The following GABRB1 variants were observed in gnomAD, a reference collection of about 807,000 sequenced individuals.
GABRB1 encodes gamma-aminobutyric acid receptor subunit beta-1.
In GABRB1, 17 loss-of-function variants were observed where a neutral mutation model predicts 51.6. The ratio of observed to expected loss-of-function variants is 0.33; its 90% CI spans 0.23 to 0.49. The LOEUF (loss-of-function observed/expected upper bound fraction) is 0.49. GABRB1 is among the 20% of genes least tolerant of loss of function. The pLI is 0.99. For missense variants in GABRB1, 410 were observed against 600.6 expected, an observed-to-expected ratio of 0.68 and a Z score of 3.32; for synonymous variants, 247 against 218.9, an observed-to-expected ratio of 1.13 and a Z score of -1.14.
At chr4:47,244,093 AG>A (rs1463833983) in intron 4 of GABRB1, among the ~76,000 whole-genome samples, 1 of 152,308 alleles carries the variant, frequency 6.6e-6, no homozygotes, top group African/African-American at 2.4e-5. Flanking sequence ...TTTAGCATGA[AG>A]GGCTGTTGAA....
intron 3 of GABRB1, among the ~76,000 whole-genome samples, chr4:47,037,511 A>G (rs1013058677): frequency 1.3e-5 from 2 of 150,756 alleles, no homozygotes; most frequent in Admixed American, 6.6e-5. Context: ...CTGTTTGGAG[A>G]TAGCATATAT....
intron 3 of GABRB1, among the ~76,000 whole-genome samples, chr4:47,121,263 G>A (rs745433021): frequency 2.0e-5 from 3 of 152,104 alleles, no homozygotes; most frequent in Non-Finnish European, 4.4e-5. Flanking sequence ...TTAATGCAAA[G>A]CCCCACAATT....
chr4:47,117,587 T>C (rs1043986731), intron 3 of GABRB1, among the ~76,000 whole-genome samples: 7 of 152,220 alleles, frequency 4.6e-5, no homozygotes, highest in Non-Finnish European at 1.0e-4. Context: ...TATTTGGTTC[T>C]ACCACTTAAT....
chr4:47,366,474 C>T (rs1025155024), intron 5 of GABRB1, among the ~76,000 whole-genome samples: 9 of 152,190 alleles, frequency 5.9e-5, no homozygotes, highest in Admixed American at 1.3e-4. Flanking sequence ...TCTCATTATG[C>T]TACCCACTGG....
chr4:47,275,275 G>C (rs1381017944), intron 4 of GABRB1, among the ~76,000 whole-genome samples: 2 of 152,156 alleles, frequency 1.3e-5, no homozygotes. Context: ...GGGCAAATGT[G>C]GGGCTTAAAT....
At chr4:47,316,376 C>T (rs1724889127) in intron 4 of GABRB1, among the ~76,000 whole-genome samples, 1 of 151,820 alleles carries the variant, frequency 6.6e-6, no homozygotes, top group South Asian at 2.1e-4. Flanking sequence ...ACATAATGGC[C>T]TCCAGTTCCA....
intron 3 of GABRB1, among the ~76,000 whole-genome samples, chr4:47,113,418 A>G (rs1162787977): frequency 6.6e-6 from 1 of 151,878 alleles, no homozygotes; most frequent in African/African-American, 2.4e-5. Context: ...TTTAACGTTG[A>G]GTACATAATG....
intron 3 of GABRB1, among the ~76,000 whole-genome samples, chr4:47,155,237 T>C (rs10016226): frequency 0.17 from 25,594 of 151,990 alleles, 3,124 homozygotes; most frequent in African/African-American, 0.34. Flanking sequence ...TCTACTCTAA[T>C]AGGCTTTCCG....
chr4:47,031,986 C>A lies in GABRB1; in HGVS notation c.153C>A (p.Arg51=). 1 of 1,612,596 alleles carries A rather than the reference C, an allele frequency of 6.2e-7. No individual in the cohort carries two copies. The highest frequency in any genetic ancestry group is 8.5e-7 in the Non-Finnish European group (1 of 1,179,800). The part of the protein sequence containing the change: ...VDRLLKGYDI[R]LRPDFGGPPV... ...GATTGCTCAAAGGATATGACATTCG[C>A]TTGCGGCCGGACTTCGGAGGTAACG... Residue 51 remains arginine (R), a synonymous_variant, in exon 2 of 9, where the codon CGC becomes CGA. Transcript: ENST00000295454.
chr4:47,131,261 C>T (rs992222489), intron 3 of GABRB1, among the ~76,000 whole-genome samples: 7 of 151,984 alleles, frequency 4.6e-5, no homozygotes, highest in Non-Finnish European at 8.8e-5. Context: ...CAAATTCAAG[C>T]GATTCTCCTG....
At chr4:47,021,536 G>T (rs960760709) in intron 1 of GABRB1, among the ~76,000 whole-genome samples, 1 of 152,062 alleles carries the variant, frequency 6.6e-6, no homozygotes, top group Non-Finnish European at 1.5e-5. Flanking sequence ...CGGATCCTCT[G>T]CAGGTATGTT....
intron 5 of GABRB1, among the ~76,000 whole-genome samples, chr4:47,367,803 A>G (rs1005440918): frequency 6.6e-6 from 1 of 152,214 alleles, no homozygotes; most frequent in Admixed American, 6.5e-5. Flanking sequence ...GAACAGAGCC[A>G]AGGTAAGTAA....
chr4:47,174,925 C>T (rs1255591722), intron 4 of GABRB1, among the ~76,000 whole-genome samples: 1 of 137,952 alleles, frequency 7.2e-6, no homozygotes, highest in East Asian at 2.2e-4. Flanking sequence ...TCCTTCCTTC[C>T]TTCTTTCCTT....
At chr4:47,117,277 C>A (rs867455617) in intron 3 of GABRB1, among the ~76,000 whole-genome samples, 1 of 152,106 alleles carries the variant, frequency 6.6e-6, no homozygotes, top group African/African-American at 2.4e-5. Context: ...CTATGGAGTT[C>A]GCTCATATAA....
intron 5 of GABRB1, among the ~76,000 whole-genome samples, chr4:47,378,380 A>G (rs1560359561): frequency 6.6e-6 from 1 of 152,112 alleles, no homozygotes; most frequent in Non-Finnish European, 1.5e-5. Context: ...ACCCACCCGG[A>G]ACTCGTGCTG....
At chr4:47,359,056 A>G (rs2110007740) in intron 5 of GABRB1, among the ~76,000 whole-genome samples, 2 of 152,244 alleles carry the variant, frequency 1.3e-5, no homozygotes, top group South Asian at 4.1e-4. Context: ...TAGGACAAGA[A>G]CAAGTTGGAC....
At chr4:47,280,376 T>C (rs1723243293) in intron 4 of GABRB1, among the ~76,000 whole-genome samples, 1 of 151,752 alleles carries the variant, frequency 6.6e-6, no homozygotes, top group Non-Finnish European at 1.5e-5. Context: ...TTATTTGTAA[T>C]ATTTTTGTCT....
At chr4:47,232,856 A>G (rs1721190878) in intron 4 of GABRB1, among the ~76,000 whole-genome samples, 1 of 150,468 alleles carries the variant, frequency 6.6e-6, no homozygotes, top group African/African-American at 2.5e-5. Context: ...TCCCTCTGCC[A>G]CACCCAGATT....
intron 1 of GABRB1, among the ~76,000 whole-genome samples, chr4:47,003,072 T>C (rs1157406337): frequency 9.3e-6 from 1 of 108,076 alleles, no homozygotes; most frequent in East Asian, 2.6e-4. Flanking sequence ...TCCTATTTGC[T>C]TTATAATAAA....
Sources: allele counts gnomAD v4.1 joint callset (sites outside exome capture counted in the v4.1 genomes callset), GRCh38; gene constraint gnomAD v4.1.1; transcripts MANE v1.5; gene names NCBI Gene and HGNC (gene_info 2026-07-23, HGNC 2026-07-21).